Variants in ATP11C observed in about 807,000 individuals in gnomAD.
The protein encoded by ATP11C is ATPase phospholipid transporting 11C (ATP11C blood group).
A neutral mutation model predicts 97.4 loss-of-function variants in ATP11C; 36 were observed. That is an observed-to-expected ratio of 0.37 (90% CI 0.28 to 0.49). The LOEUF (loss-of-function observed/expected upper bound fraction) is 0.49, where lower values mean the gene tolerates loss of function less well. ATP11C is among the 20% of genes least tolerant of loss of function. The pLI is 0.98. For synonymous variants in ATP11C, 275 were observed against 290.9 expected, an observed-to-expected ratio of 0.95 and a Z score of 0.56; for missense variants, 730 against 824.6, an observed-to-expected ratio of 0.89 and a Z score of 1.40.
intron 2 of ATP11C, among the ~76,000 whole-genome samples, chrX:139,820,272 A>G (rs1216414657): frequency 9.1e-6 from 1 of 109,535 alleles, no homozygotes; most frequent in African/African-American, 3.3e-5. Flanking sequence ...ATGGTGGTGC[A>G]CGCCTGTAGT....
At chrX:139,919,921 T>TA (rs1382205744) in intron 1 of ATP11C, among the ~76,000 whole-genome samples, 3 of 108,570 alleles carry the variant, frequency 2.8e-5, no homozygotes, top group Non-Finnish European at 5.8e-5. Context: ...TCTGTCTCAA[T>TA]AAAAAAATAA....
chrX:139,772,469 T>C (rs1039826404), intron 19 of ATP11C, among the ~76,000 whole-genome samples: 3 of 110,997 alleles, frequency 2.7e-5, no homozygotes, highest in South Asian at 3.8e-4. Context: ...CCCAGAATGG[T>C]AGATCCACTG....
rs746727864 is a variant in ATP11C at position 139,749,458 on chromosome X, AAAC to A, written c.2828+564_2828+566del. 4.5e-5 allele frequency among the ~76,000 whole-genome samples: 5 copies of A among 112,256 alleles called. No individual in the cohort carries two copies. In the East Asian group the frequency reaches 1.4e-3, roughly 31 times the overall value. ...TAAAAATCCAATTAAATCATAAGTTAAACAACTGGGGCTAGTGCCAAGTCCCCC... is the reference window on the plus strand; with the variant it reads ...TAAAAATCCAATTAAATCATAAGTTAAACTGGGGCTAGTGCCAAGTCCCCC... On this transcript the variant is annotated intron_variant, in intron 24 of 29. Transcript: ENST00000682941.
intron 1 of ATP11C, among the ~76,000 whole-genome samples, chrX:139,863,942 G>C (rs984427566): frequency 7.3e-5 from 8 of 109,730 alleles, no homozygotes; most frequent in African/African-American, 2.7e-4. Flanking sequence ...CGTGCCTGTA[G>C]TTCCAGCTAC....
intron 2 of ATP11C, 59 bp from the exon 3 acceptor site, chrX:139,819,486 G>C (rs2083356965): frequency 2.1e-6 from 1 of 472,272 alleles, no homozygotes; most frequent in African/African-American, 2.4e-5. Flanking sequence ...AATCTTAATA[G>C]TAATGACTGA....
At chrX:139,931,958 C>T in intron 1 of ATP11C, 58 bp downstream of exon 1, 1 of 1,123,960 alleles carries the variant, frequency 8.9e-7, no homozygotes, top group Non-Finnish European at 1.2e-6. Flanking sequence ...AGGGACCCGG[C>T]GAAGGGGCTG....
At chrX:139,800,174 T>G in intron 7 of ATP11C, 64 bp from the exon 8 acceptor site, 1 of 788,564 alleles carries the variant, frequency 1.3e-6, no homozygotes, top group Admixed American at 2.5e-5. Flanking sequence ...GTACCAGAAA[T>G]ATGAGAATGA....
At chrX:139,741,621 TC>T (rs2081558082) in intron 26 of ATP11C, among the ~76,000 whole-genome samples, 1 of 111,610 alleles carries the variant, frequency 9.0e-6, no homozygotes, top group African/African-American at 3.3e-5. Flanking sequence ...ACATCTAACA[TC>T]ATGTAGCAAT....
intron 26 of ATP11C, among the ~76,000 whole-genome samples, chrX:139,742,673 C>A (rs917390535): frequency 2.7e-5 from 3 of 109,201 alleles, no homozygotes; most frequent in Non-Finnish European, 5.7e-5. Context: ...AATCATGGGC[C>A]TCAAGGGTAG....
rs1385578853 is a variant in ATP11C, at chrX:139,798,697, T to G, written c.757A>C (p.Asn253His). 1 of 1,206,540 alleles carries G rather than the reference T, an allele frequency of 8.3e-7. No individual in the cohort carries two copies. Among genetic ancestry groups the G allele is most frequent in the Non-Finnish European group, 1.1e-6 (1 of 891,512 alleles). Residue 253 changes from asparagine to histidine, a missense_variant, in exon 9 of 30, where the codon AAT (asparagine) becomes CAT (histidine). Coordinates refer to ENST00000682941, the MANE Select transcript of ATP11C (RefSeq NM_001353812.2). Reference protein sequence around the residue: ...NLLLKGATLKNTEKIYGVAVY... With the variant: ...NLLLKGATLKHTEKIYGVAVY... ...TGTTCACCATATATCTTCTCGGTAT[T>G]TTTTAGCGTAGCTCCTTTCAGCAAG...
intron 8 of ATP11C, among the ~76,000 whole-genome samples, chrX:139,799,385 A>AT (rs1304359010): frequency 1.8e-5 from 2 of 111,254 alleles, no homozygotes; most frequent in Non-Finnish European, 3.8e-5. Flanking sequence ...TTCTTCCAGC[A>AT]TTTTACCCAC....
At chrX:139,744,732 G>A (rs1285212816) in intron 25 of ATP11C, among the ~76,000 whole-genome samples, 2 of 112,040 alleles carry the variant, frequency 1.8e-5, no homozygotes, top group African/African-American at 6.5e-5. Flanking sequence ...ACAGGATTTA[G>A]CAGGACATTC....
At chrX:139,750,254 T>A in intron 23 of ATP11C, 102 bp from the exon 24 acceptor site, 2 of 804,746 alleles carry the variant, frequency 2.5e-6, no homozygotes, top group Admixed American at 3.2e-5. Flanking sequence ...AAATAAGAAA[T>A]TTTTTTACAT....
intron 17 of ATP11C, 92 bp from the exon 18 acceptor site, chrX:139,782,820 G>A: frequency 1.6e-6 from 1 of 644,892 alleles, no homozygotes. Context: ...TTAGCCATAT[G>A]GACAAGAGAA....
intron 11 of ATP11C, 111 bp downstream of exon 11, chrX:139,797,065 C>T (rs1440713212): frequency 6.4e-6 from 4 of 626,277 alleles, no homozygotes; most frequent in South Asian, 3.2e-5. Context: ...ACCATGTAAT[C>T]GAGAGAAAAT....
At chrX:139,904,427 T>G (rs755746385) in intron 1 of ATP11C, among the ~76,000 whole-genome samples, 47 of 110,148 alleles carry the variant, frequency 4.3e-4, no homozygotes, top group African/African-American at 1.4e-3. Flanking sequence ...ACTCGGGAGG[T>G]TGAGGCAGGA....
At chrX:139,764,494 T>C (rs757459566) in intron 20 of ATP11C, among the ~76,000 whole-genome samples, 21 of 112,955 alleles carry the variant, frequency 1.9e-4, no homozygotes, top group African/African-American at 6.7e-4. Context: ...TCTTACCCTA[T>C]GTTTTAGATA....
intron 24 of ATP11C, among the ~76,000 whole-genome samples, chrX:139,749,076 A>T (rs1426445249): frequency 8.9e-6 from 1 of 112,019 alleles, no homozygotes; most frequent in Non-Finnish European, 1.9e-5. Flanking sequence ...GTGGAATAGG[A>T]ATGTCAAGGA....
At chrX:139,744,799 G>A (rs1436559396) in intron 25 of ATP11C, among the ~76,000 whole-genome samples, 1 of 111,556 alleles carries the variant, frequency 9.0e-6, no homozygotes, top group Non-Finnish European at 1.9e-5. Context: ...TCCCCAACAA[G>A]TACTTTATGA....
Sources: gnomAD v4.1 joint callset for allele counts (sites outside exome capture counted in the v4.1 genomes callset) on GRCh38, gnomAD v4.1.1 for gene constraint, MANE v1.5 for transcripts, NCBI Gene and HGNC (gene_info 2026-07-23, HGNC 2026-07-21) for gene names.